CCDC88A: variants seen among roughly 807,000 people sequenced by gnomAD.
CCDC88A encodes the protein girdin.
Under a neutral mutation model 234.3 loss-of-function variants are expected in CCDC88A, and 54 were observed. The observed-to-expected ratio is 0.23, with a 90% CI of 0.19 to 0.29. The LOEUF (loss-of-function observed/expected upper bound fraction) is 0.29. Ranked by LOEUF, CCDC88A falls within the 10% of genes least tolerant of loss-of-function variation. CCDC88A has a pLI of 1.00. For missense variants in CCDC88A, 1,832 were observed against 2,123.4 expected (o/e 0.86, Z 2.70); for synonymous variants, 753 against 737.8 (o/e 1.02, Z -0.33).
At chr2:55,379,656 A>G (rs1026982709) in intron 3 of CCDC88A, among the ~76,000 whole-genome samples, 1 of 152,210 alleles carries the variant, frequency 6.6e-6, no homozygotes, top group Non-Finnish European at 1.5e-5. Flanking sequence ...GGCTGGGCAC[A>G]GCAGCTCACG....
At chr2:55,361,572 G>A (rs1351491720) in intron 7 of CCDC88A, among the ~76,000 whole-genome samples, 2 of 152,098 alleles carry the variant, frequency 1.3e-5, no homozygotes, top group African/African-American at 2.4e-5. Flanking sequence ...CAAGAGTATT[G>A]ATACAAATTC....
chr2:55,369,116 C>T (rs1252917771), intron 5 of CCDC88A, among the ~76,000 whole-genome samples: 2 of 152,036 alleles, frequency 1.3e-5, no homozygotes, highest in South Asian at 2.1e-4. Flanking sequence ...CTCACTGCAA[C>T]CTCCGCCTCC....
chr2:55,303,213 A>AG, intron 25 of CCDC88A, 61 bp from the exon 26 acceptor site: 1 of 955,064 alleles, frequency 1.0e-6, no homozygotes, highest in Non-Finnish European at 1.7e-6. Context: ...AAGGGAGAAG[A>AG]ACAGATGGGA....
intron 3 of CCDC88A, among the ~76,000 whole-genome samples, chr2:55,376,922 C>T (rs1673732898): frequency 1.3e-5 from 2 of 152,148 alleles, no homozygotes; most frequent in Admixed American, 6.6e-5. Flanking sequence ...ACCTCCGCCT[C>T]CCTGGTGCAA....
chr2:55,391,341 A>G (rs919202515), intron 2 of CCDC88A, among the ~76,000 whole-genome samples: 6 of 133,676 alleles, frequency 4.5e-5, no homozygotes, highest in African/African-American at 1.5e-4. Flanking sequence ...CTCTAAAAGG[A>G]CAAGGTCCAG....
intron 4 of CCDC88A, among the ~76,000 whole-genome samples, chr2:55,373,552 C>T (rs1379691881): frequency 6.6e-6 from 1 of 152,162 alleles, no homozygotes; most frequent in Non-Finnish European, 1.5e-5. Flanking sequence ...CTAATTATTA[C>T]ATGATTTCCC....
At position 55,371,483 on chromosome 2, in the gene CCDC88A, C is replaced by T. The variant is rs753396409; in HGVS notation, c.402+969G>A. Among the ~76,000 whole-genome samples the T allele has an allele frequency of 1.4e-4, 22 of 152,034 alleles. No individual in the cohort carries two copies. In the South Asian group the frequency reaches 2.3e-3, roughly 16 times the overall value. On this transcript the variant is annotated intron_variant, in intron 5 of 32. Coordinates refer to ENST00000436346, the MANE Select transcript of CCDC88A (RefSeq NM_001365480.1). ...TTAAAATGACACTGTAATAATTCAT[C>T]CAAAAAATGGCTGAAATGAAAAACA...
chr2:55,359,049 T>A (rs1670954878), intron 7 of CCDC88A, among the ~76,000 whole-genome samples: 2 of 152,190 alleles, frequency 1.3e-5, no homozygotes, highest in Admixed American at 6.5e-5. Context: ...TATTTAATAT[T>A]TGTCTCATGC....
Position 55,335,264 on chromosome 2 carries a change from G to C in CCDC88A, c.1657-100C>G, listed in dbSNP as rs1685339695. 6 of 690,548 alleles carry C rather than the reference G, an allele frequency of 8.7e-6. No individual in the cohort carries two copies. The allele number at this position is 690,548 out of a possible 1,614,324, so 42.8% of individuals were successfully genotyped here. A position where few individuals can be genotyped will look rare whatever the true frequency, so the allele number is the denominator to read the frequency against. ...CCAAGAAAAGGGGAACAAAAAAAGG[G>C]TGCTAGAACATGTCTTACTTTTAAT... On this transcript the variant is annotated intron_variant, in intron 14 of 32. Transcript: ENST00000436346. This position sits in a 1 kb window ranked among gnomAD's most constrained non-coding sequence, Gnocchi z 4.5.
intron 8 of CCDC88A, among the ~76,000 whole-genome samples, chr2:55,352,534 A>G (rs1258222251): frequency 6.6e-6 from 1 of 152,118 alleles, no homozygotes; most frequent in Non-Finnish European, 1.5e-5. Context: ...TGTTCACTCT[A>G]AAAGGATGAA....
At chr2:55,327,126 T>A (rs1298252251) in intron 17 of CCDC88A, among the ~76,000 whole-genome samples, 1 of 151,706 alleles carries the variant, frequency 6.6e-6, no homozygotes, top group African/African-American at 2.4e-5. Context: ...AATGTCTGGA[T>A]GAAAAATAAG....
chr2:55,352,838 A>G (rs1670067345), intron 8 of CCDC88A, among the ~76,000 whole-genome samples: 1 of 151,082 alleles, frequency 6.6e-6, no homozygotes, highest in African/African-American at 2.4e-5. Flanking sequence ...GCACTTTCTG[A>G]TTGTAATTAC....
rs1194498931 is a variant in CCDC88A at position 55,413,635 on chromosome 2, T to TA, written c.164+5180dup. ...GTCCTAAGAATACAGAGACAAAAGA[T>TA]AGAGTCCCTGGCTTCAGGAAACTCA... On this transcript the variant is annotated intron_variant, in intron 2 of 32. Transcript: ENST00000436346. 5.3e-5 allele frequency among the ~76,000 whole-genome samples: 8 copies of TA among 152,220 alleles called. No individual in the cohort carries two copies. In the East Asian group the frequency reaches 1.5e-3, roughly 29 times the overall value.
At chr2:55,353,866 T>C (rs76090770) in intron 8 of CCDC88A, among the ~76,000 whole-genome samples, 2,062 of 152,304 alleles carry the variant, frequency 0.014, 13 homozygotes, top group Non-Finnish European at 0.02. Context: ...CAGTCATGCA[T>C]TGTTTAAGTA....
intron 7 of CCDC88A, among the ~76,000 whole-genome samples, chr2:55,357,526 T>C (rs1327384143): frequency 1.3e-5 from 2 of 152,124 alleles, no homozygotes. Context: ...GTAAATTCTC[T>C]TACTCTAAAC....
At chr2:55,397,568 G>C (rs1200873860) in intron 2 of CCDC88A, among the ~76,000 whole-genome samples, 1 of 151,596 alleles carries the variant, frequency 6.6e-6, no homozygotes, top group African/African-American at 2.4e-5. Flanking sequence ...TTATACTTTG[G>C]ATGCATAATA....
intron 2 of CCDC88A, among the ~76,000 whole-genome samples, chr2:55,414,060 C>T (rs1466160816): frequency 6.6e-6 from 1 of 151,974 alleles, no homozygotes; most frequent in Non-Finnish European, 1.5e-5. Context: ...AAAGCCATAA[C>T]AAGTTTATCA....
chr2:55,372,527 T>G lies in CCDC88A; in HGVS notation c.344-17A>C. On this transcript the variant is annotated splice_polypyrimidine_tract_variant and intron_variant, in intron 4 of 32. Transcript: ENST00000436346. The stretch of plus-strand genomic sequence containing the variant: ...TGCCTTGTTCTAAAATAGAAACAAT[T>G]ATTAAGGACAACATTCTGCTATATT... 2 of 1,195,096 alleles carry G rather than the reference T, an allele frequency of 1.7e-6. No individual in the cohort carries two copies. Among genetic ancestry groups the G allele is most frequent in the Non-Finnish European group, 1.2e-6 (1 of 812,800 alleles). The allele number at this position is 1,195,096 out of a possible 1,614,324, so 74.0% of individuals were successfully genotyped here.
chr2:55,367,917 A>G (rs1056936634), intron 5 of CCDC88A, among the ~76,000 whole-genome samples: 8 of 152,172 alleles, frequency 5.3e-5, no homozygotes, highest in African/African-American at 1.9e-4. Context: ...AAAATAAGTA[A>G]TATTTCTGGA....
Sources: allele counts gnomAD v4.1 joint callset (sites outside exome capture counted in the v4.1 genomes callset), GRCh38; gene constraint gnomAD v4.1.1; non-coding constraint Gnocchi (gnomAD v3.1); transcripts MANE v1.5; gene names NCBI Gene and HGNC (gene_info 2026-07-23, HGNC 2026-07-21).